Variants in SEL1L2 observed in about 807,000 individuals in gnomAD.
SEL1L2 encodes protein sel-1 homolog 2.
Under a neutral mutation model 98.8 loss-of-function variants are expected in SEL1L2, and 89 were observed. That is an observed-to-expected ratio of 0.90 (90% CI 0.76 to 1.07). The LOEUF (loss-of-function observed/expected upper bound fraction) is 1.07. SEL1L2 is among the 50% of genes least tolerant of loss of function. The pLI, the probability that SEL1L2 is intolerant of heterozygous loss-of-function variation, is 0.00. For synonymous variants in SEL1L2, 262 were observed against 278.5 expected (o/e 0.94, Z 0.59); for missense variants, 788 against 812.0 (o/e 0.97, Z 0.36).
chr20:13,861,214 C>T (rs999038355), intron 17 of SEL1L2, among the ~76,000 whole-genome samples: 2 of 151,822 alleles, frequency 1.3e-5, no homozygotes, highest in Non-Finnish European at 2.9e-5. Flanking sequence ...CTGGATTTGT[C>T]GCCTAGGCTG....
intron 12 of SEL1L2, among the ~76,000 whole-genome samples, chr20:13,875,051 T>C (rs1335385364): frequency 6.6e-6 from 1 of 152,200 alleles, no homozygotes; most frequent in Non-Finnish European, 1.5e-5. Context: ...AAGACTTCGA[T>C]GCAGGAGGCA....
At chr20:13,907,206 T>G (rs1444432459) in intron 5 of SEL1L2, among the ~76,000 whole-genome samples, 1 of 152,178 alleles carries the variant, frequency 6.6e-6, no homozygotes, top group African/African-American at 2.4e-5. Flanking sequence ...GTTAAATATT[T>G]TTTTCTGATA....
rs373099694 is a variant in SEL1L2, at chr20:13,877,555, C to A, written c.991G>T (p.Ala331Ser). Reference sequence around the variant, plus strand: ...AATGCCATGGCATTTGCACTCCCGGCCTTTGCTGCCTTTAAGAAGTAGTGT... The same window carrying A: ...AATGCCATGGCATTTGCACTCCCGGACTTTGCTGCCTTTAAGAAGTAGTGT... ...ALHYFLKAAKAGSANAMAFIG... is the reference protein window; with the variant it reads ...ALHYFLKAAKSGSANAMAFIG... The change falls in exon 11 of 20, where the codon GCC (alanine) becomes TCC (serine). Residue 331 changes from alanine to serine, a missense_variant. Physicochemically the swap from Ala to Ser is moderately conservative, Grantham distance 99. Coordinates refer to ENST00000284951, the MANE Select transcript of SEL1L2 (RefSeq NM_025229.2). The A allele has an allele frequency of 1.2e-6, 2 of 1,613,154 alleles. No homozygotes were observed. Among genetic ancestry groups the A allele is most frequent in the Admixed American group, 3.3e-5 (2 of 59,996 alleles).
intron 1 of SEL1L2, among the ~76,000 whole-genome samples, chr20:13,978,218 A>G (rs1480991114): frequency 1.3e-5 from 2 of 152,212 alleles, no homozygotes; most frequent in African/African-American, 4.8e-5. Context: ...CAGTCAATTG[A>G]TTTTCAACAA....
chr20:13,940,077 C>A lies in SEL1L2; in HGVS notation c.115-8306G>T, dbSNP rs77678874. 7.9e-3 allele frequency among the ~76,000 whole-genome samples: 1,208 copies of A among 152,316 alleles called. 32 individuals are homozygous for A. Among genetic ancestry groups the A allele is most frequent in the East Asian group, 0.075 (389 of 5,174 alleles). ...GATATAGTGACACATAAGACAGAAGCATTTTCTGATCATATGGAGCTTCCA... is the reference window on the plus strand; with the variant it reads ...GATATAGTGACACATAAGACAGAAGAATTTTCTGATCATATGGAGCTTCCA... On this transcript the variant is annotated intron_variant, in intron 2 of 19. Transcript: ENST00000284951.
At chr20:13,934,929 G>A (rs932575576) in intron 2 of SEL1L2, among the ~76,000 whole-genome samples, 6 of 152,140 alleles carry the variant, frequency 3.9e-5, no homozygotes, top group Admixed American at 6.6e-5. Flanking sequence ...GTATCTGGAA[G>A]AAGAGAACAT....
intron 5 of SEL1L2, among the ~76,000 whole-genome samples, chr20:13,893,109 G>C (rs1438590670): frequency 6.6e-6 from 1 of 152,166 alleles, no homozygotes; most frequent in Non-Finnish European, 1.5e-5. Flanking sequence ...AATTAAGACA[G>C]ACTGGTGAAA....
At chr20:13,987,178 T>G (rs1003394789) in intron 1 of SEL1L2, among the ~76,000 whole-genome samples, 2 of 152,104 alleles carry the variant, frequency 1.3e-5, no homozygotes, top group Non-Finnish European at 2.9e-5. Context: ...TGCACCAACC[T>G]AATAAATCTA....
intron 3 of SEL1L2, among the ~76,000 whole-genome samples, chr20:13,930,397 G>A (rs2049092631): frequency 6.6e-6 from 1 of 152,216 alleles, no homozygotes; most frequent in Admixed American, 6.5e-5. Context: ...CAGGGCCATG[G>A]GGTGGTAATG....
intron 5 of SEL1L2, among the ~76,000 whole-genome samples, chr20:13,903,333 T>G (rs936410447): frequency 2.6e-5 from 4 of 152,174 alleles, no homozygotes; most frequent in Non-Finnish European, 5.9e-5. Flanking sequence ...TCACGGTTCC[T>G]CCTCACTCCT....
intron 1 of SEL1L2, 73 bp downstream of exon 1, chr20:13,990,404 G>T (rs555243630): frequency 3.0e-6 from 3 of 1,007,410 alleles, no homozygotes; most frequent in East Asian, 2.4e-5. Flanking sequence ...CTTTTAATTG[G>T]CTTCTGCCCT....
intron 3 of SEL1L2, among the ~76,000 whole-genome samples, chr20:13,926,591 A>G (rs2048917550): frequency 6.6e-6 from 1 of 152,162 alleles, no homozygotes; most frequent in African/African-American, 2.4e-5. Context: ...GACCTTGGCT[A>G]TGCAGCACTC....
chr20:13,967,734 T>C (rs1348270971), intron 1 of SEL1L2, among the ~76,000 whole-genome samples: 1 of 150,172 alleles, frequency 6.7e-6, no homozygotes, highest in African/African-American at 2.5e-5. Context: ...AGCTGTGAAA[T>C]GAAGAGGGTG....
chr20:13,915,783 T>A (rs189985806), intron 4 of SEL1L2, among the ~76,000 whole-genome samples: 32 of 151,994 alleles, frequency 2.1e-4, no homozygotes, highest in African/African-American at 7.5e-4. Flanking sequence ...AAGATTAAGA[T>A]GTGGGCTGCA....
At chr20:13,918,638 T>C (rs1298047614) in intron 4 of SEL1L2, among the ~76,000 whole-genome samples, 1 of 152,214 alleles carries the variant, frequency 6.6e-6, no homozygotes, top group Non-Finnish European at 1.5e-5. Context: ...AATCATAAGA[T>C]ACTGTACAAA....
At chr20:13,883,154 GTTCTCCA>G (rs139290147) in intron 10 of SEL1L2, among the ~76,000 whole-genome samples, 1,798 of 152,234 alleles carry the variant, frequency 0.012, 40 homozygotes, top group African/African-American at 0.041. Flanking sequence ...TTCAACTGGA[GTTCTCCA>G]TTCAAGTTCA....
chr20:13,905,871 C>CTTTTTTTT (rs903449859), intron 5 of SEL1L2, among the ~76,000 whole-genome samples: 1 of 123,764 alleles, frequency 8.1e-6, no homozygotes, highest in Non-Finnish European at 1.7e-5. Context: ...TTTTCTTTTC[C>CTTTTTTTT]TTTTTTTTTT....
chr20:13,896,871 T>C (rs1318214750), intron 5 of SEL1L2, among the ~76,000 whole-genome samples: 3 of 152,180 alleles, frequency 2.0e-5, no homozygotes, highest in African/African-American at 7.2e-5. Context: ...CCTATTAAAA[T>C]ATCAATGTTA....
At chr20:13,927,882 C>G (rs2048967790) in intron 3 of SEL1L2, 4 of 152,164 alleles carry the variant, frequency 2.6e-5, no homozygotes, top group Admixed American at 2.6e-4. Flanking sequence ...TTCTTAACTC[C>G]TAACTAAATA....
Sources: gnomAD v4.1 joint callset for allele counts (sites outside exome capture counted in the v4.1 genomes callset) on GRCh38, gnomAD v4.1.1 for gene constraint, MANE v1.5 for transcripts, NCBI Gene and HGNC (gene_info 2026-07-23, HGNC 2026-07-21) for gene names.